COL28A1: variants seen among roughly 807,000 people sequenced by gnomAD.
COL28A1 encodes collagen type XXVIII alpha 1 chain, also known as collagen alpha-1(XXVIII) chain.
COL28A1 carries 161 observed loss-of-function variants against 150.2 expected under a neutral mutation model. The ratio of observed to expected loss-of-function variants is 1.07; its 90% confidence interval spans 0.94 to 1.22. COL28A1 has a LOEUF of 1.22. Among genes scored for constraint, COL28A1 ranks in the 50% most tolerant of loss-of-function variants. The pLI is 0.00. For synonymous variants in COL28A1, 552 were observed against 469.7 expected (o/e 1.18, Z -2.26); for missense variants, 1,617 against 1,388.3 (o/e 1.16, Z -2.62).
intron 30 of COL28A1, among the ~76,000 whole-genome samples, chr7:7,376,686 T>C (rs909587265): frequency 6.7e-6 from 1 of 150,100 alleles, no homozygotes; most frequent in Non-Finnish European, 1.5e-5. Flanking sequence ...GGGAAATATA[T>C]GTATTTATAT....
Position 7,474,604 on chromosome 7 carries a change from C to T in COL28A1, c.1299G>A (p.Glu433=), listed in dbSNP as rs6952195. 1.7e-6 allele frequency: 2 copies of T among 1,190,178 alleles called. No individual in the cohort carries two copies. The highest frequency in any genetic ancestry group is 2.5e-6 in the Non-Finnish European group (2 of 793,934). The allele number at this position is 1,190,178 out of a possible 1,614,324, so 73.7% of individuals were successfully genotyped here. The change falls in exon 15 of 35, where the codon GAG becomes GAA. Residue 433 remains glutamate (E), a synonymous_variant. Transcript: ENST00000399429. ...QGLQGLSIKG[E]KGDIGPVGPQ... is the part of the protein sequence containing the mutation. Reference sequence around the variant, plus strand: ...TGTACACCCTATTATACAGTACCTTCTCCCCTTTGATTGACAGGCCTTGTA... The same window carrying T: ...TGTACACCCTATTATACAGTACCTTTTCCCCTTTGATTGACAGGCCTTGTA...
At chr7:7,404,472 T>G (rs1783389772) in intron 27 of COL28A1, among the ~76,000 whole-genome samples, 1 of 152,046 alleles carries the variant, frequency 6.6e-6, no homozygotes, top group African/African-American at 2.4e-5. Flanking sequence ...CTCCCTGACC[T>G]CATCTGCATC....
chr7:7,517,661 C>A, intron 7 of COL28A1, 135 bp downstream of exon 7: 2 of 1,243,564 alleles, frequency 1.6e-6, no homozygotes, highest in Non-Finnish European at 2.3e-6. Context: ...TTTCTGATTG[C>A]CTTCTTGAGC....
At chr7:7,407,495 T>C (rs1783552155) in intron 27 of COL28A1, among the ~76,000 whole-genome samples, 1 of 152,070 alleles carries the variant, frequency 6.6e-6, no homozygotes, top group Non-Finnish European at 1.5e-5. Flanking sequence ...ACAGATAACT[T>C]CTCGAGAGCG....
Position 7,417,604 on chromosome 7 carries a change from G to C in COL28A1, c.2136+255C>G, listed in dbSNP as rs1784176338. ...ATAAATTCTCCATTCAATTCACAAAGAGGGGAAAGCAACAAACCATAGAAC... is the reference window on the plus strand; with the variant it reads ...ATAAATTCTCCATTCAATTCACAAACAGGGGAAAGCAACAAACCATAGAAC... On this transcript the variant is annotated intron_variant, in intron 27 of 34. Coordinates refer to ENST00000399429, the MANE Select transcript of COL28A1 (RefSeq NM_001037763.3). The C allele has an allele frequency of 4.7e-5, 19 of 401,732 alleles. No individual in the cohort carries two copies. In the South Asian group the frequency reaches 5.7e-4, roughly 12 times the overall value. The allele number at this position is 401,732 out of a possible 1,614,324, so 24.9% of individuals were successfully genotyped here.
At chr7:7,518,635 G>A (rs535299236) in intron 6 of COL28A1, among the ~76,000 whole-genome samples, 17 of 152,078 alleles carry the variant, frequency 1.1e-4, no homozygotes, top group East Asian at 5.8e-4. Context: ...CAAGTTACCT[G>A]CAATGAAAAG....
intron 23 of COL28A1, 87 bp from the exon 24 acceptor site, chr7:7,432,787 C>A: frequency 3.1e-6 from 3 of 971,548 alleles, no homozygotes; most frequent in South Asian, 1.3e-5. Flanking sequence ...CTCAATATGC[C>A]AACGGTCGAT....
At chr7:7,381,728 A>T in intron 27 of COL28A1, 116 bp from the exon 28 acceptor site, 3 of 662,836 alleles carry the variant, frequency 4.5e-6, no homozygotes, top group Non-Finnish European at 8.1e-6. Flanking sequence ...TCTAAATATT[A>T]GGGGAAATAT....
intron 18 of COL28A1, among the ~76,000 whole-genome samples, chr7:7,451,312 G>A (rs373093518): frequency 7.3e-5 from 11 of 151,518 alleles, no homozygotes; most frequent in African/African-American, 2.7e-4. Flanking sequence ...TGCAACCTCC[G>A]CCTCCTGAGT....
At chr7:7,356,281 T>G (rs759268593), downstream of COL28A1, 1 of 152,176 alleles carries the variant, frequency 6.6e-6, no homozygotes, top group Non-Finnish European at 1.5e-5. Flanking sequence ...GTTTTACATG[T>G]AAAATTACCT....
At chr7:7,475,116 T>C (rs1788754687) in intron 14 of COL28A1, among the ~76,000 whole-genome samples, 1 of 152,160 alleles carries the variant, frequency 6.6e-6, no homozygotes, top group Non-Finnish European at 1.5e-5. Context: ...ACCTTTTTTT[T>C]TGTTTATAAA....
intron 21 of COL28A1, among the ~76,000 whole-genome samples, chr7:7,438,088 A>T (rs1785476947): frequency 6.6e-6 from 1 of 151,998 alleles, no homozygotes; most frequent in Admixed American, 6.6e-5. Flanking sequence ...TACAAAAAAA[A>T]AAAAATAGCC....
chr7:7,474,633 C>T lies in COL28A1; in HGVS notation c.1270G>A (p.Gly424Arg). 7.0e-7 allele frequency: 1 copy of T among 1,431,884 alleles called. No homozygotes were observed. Among genetic ancestry groups the T allele is most frequent in the Middle Eastern group, 1.8e-4 (1 of 5,660 alleles). 88.7% of individuals were successfully genotyped at this position (1,431,884 alleles called of 1,614,324 possible). Residue 424 changes from glycine (G) to arginine (R), a missense_variant, in exon 15 of 35, where the codon GGA becomes AGA. Gly to Arg is a moderately radical substitution (Grantham distance 125). Transcript: ENST00000399429. ...KGSEGPTGPQ[G>R]LQGLSIKGEK... ...CCTTTGATTGACAGGCCTTGTAATCCCTGTGGGCCAGTTGGTCCTTCAGAA... is the reference window on the plus strand; with the variant it reads ...CCTTTGATTGACAGGCCTTGTAATCTCTGTGGGCCAGTTGGTCCTTCAGAA...
intron 25 of COL28A1, chr7:7,431,272 G>A: frequency 4.8e-6 from 1 of 208,662 alleles, no homozygotes; most frequent in South Asian, 7.0e-5. Context: ...AAGTTGTAGA[G>A]CTCCTACTGA....
chr7:7,441,524 G>GA (rs55984344), intron 20 of COL28A1, among the ~76,000 whole-genome samples: 47,203 of 138,908 alleles, frequency 0.34, 8,029 homozygotes, highest in Non-Finnish European at 0.4. Context: ...CTCAACAAAC[G>GA]AAAAAAAAAA....
intron 6 of COL28A1, among the ~76,000 whole-genome samples, chr7:7,518,585 C>T (rs114734254): frequency 0.012 from 1,876 of 152,094 alleles, 44 homozygotes; most frequent in African/African-American, 0.042. Flanking sequence ...TATTTGAGTA[C>T]CTCTTACTTA....
chr7:7,354,382 G>T (rs756110392), downstream of COL28A1, among the ~76,000 whole-genome samples: 1 of 152,148 alleles, frequency 6.6e-6, no homozygotes, highest in Non-Finnish European at 1.5e-5. Flanking sequence ...TTCACAGATT[G>T]TGTGCAGTAA....
chr7:7,532,496 G>A (rs565813237), intron 2 of COL28A1, among the ~76,000 whole-genome samples: 1 of 152,072 alleles, frequency 6.6e-6, no homozygotes, highest in South Asian at 2.1e-4. Context: ...ACTATGAGTG[G>A]CAATCTCCGT....
the COL28A1 span, among the ~76,000 whole-genome samples, chr7:7,543,502 C>G: frequency 6.6e-6 from 1 of 152,118 alleles, no homozygotes; most frequent in Non-Finnish European, 1.5e-5. Context: ...GTAATTCAAG[C>G]CCTAATTTGT....
Sources: gnomAD v4.1 joint callset for allele counts (sites outside exome capture counted in the v4.1 genomes callset) on GRCh38, gnomAD v4.1.1 for gene constraint, MANE v1.5 for transcripts, NCBI Gene and HGNC (gene_info 2026-07-23, HGNC 2026-07-21) for gene names.